Variants in EXOC4 observed in about 807,000 individuals in gnomAD.
The protein encoded by EXOC4 is SEC8-like 1.
EXOC4 carries 71 observed loss-of-function variants against 107.2 expected under a neutral mutation model. The observed-to-expected ratio is 0.66, with a 90% CI of 0.55 to 0.81. The LOEUF (loss-of-function observed/expected upper bound fraction) is 0.81, where lower values mean the gene tolerates loss of function less well. Ranked by LOEUF, EXOC4 falls within the 30% of genes least tolerant of loss-of-function variation. The pLI is 0.00. For missense variants in EXOC4, 1,108 were observed against 1,189.6 expected, an observed-to-expected ratio of 0.93 and a Z score of 1.01; for synonymous variants, 456 against 441.2, an observed-to-expected ratio of 1.03 and a Z score of -0.42.
chr7:133,820,622 T>G (rs1797498539), intron 11 of EXOC4, among the ~76,000 whole-genome samples: 1 of 152,214 alleles, frequency 6.6e-6, no homozygotes, highest in South Asian at 2.1e-4. Flanking sequence ...AATATTCAAT[T>G]ACAGGAAGTA....
chr7:133,780,112 T>C (rs756163126), intron 10 of EXOC4, among the ~76,000 whole-genome samples: 6 of 152,294 alleles, frequency 3.9e-5, no homozygotes, highest in Admixed American at 1.3e-4. Flanking sequence ...GGGATTTTGC[T>C]TGACAAGTCA....
intron 17 of EXOC4, among the ~76,000 whole-genome samples, chr7:134,008,512 T>C (rs1794695111): frequency 6.6e-6 from 1 of 152,208 alleles, no homozygotes; most frequent in Non-Finnish European, 1.5e-5. Flanking sequence ...ATAACATGTA[T>C]CTACTGTATT....
rs1562900982 is a variant in EXOC4 at position 133,671,625 on chromosome 7, G to T, written c.1514+41484G>T. 7.2e-5 allele frequency among the ~76,000 whole-genome samples: 11 copies of T among 152,254 alleles called. 1 individual carries two copies. In the South Asian group the frequency reaches 2.3e-3, roughly 32 times the overall value. On this transcript the variant is annotated intron_variant, in intron 10 of 17. Transcript: ENST00000253861. Reference sequence around the variant, plus strand: ...TTGGCTGCCGTATGAAGAATGTGCTGTAGGGGAGTAATAGTAGTGGCAGAG... The same window carrying T: ...TTGGCTGCCGTATGAAGAATGTGCTTTAGGGGAGTAATAGTAGTGGCAGAG...
At position 133,531,019 on chromosome 7, in the gene EXOC4, G is replaced by C. The variant is rs1004693341; in HGVS notation, c.1417+50881G>C. Among the ~76,000 whole-genome samples, 13 of 152,136 alleles carry C rather than the reference G, an allele frequency of 8.5e-5. No homozygotes were observed. In the East Asian group the frequency reaches 2.5e-3, roughly 29 times the overall value. On this transcript the variant is annotated intron_variant, in intron 9 of 17. Coordinates refer to ENST00000253861, the MANE Select transcript of EXOC4 (RefSeq NM_021807.4). Reference sequence around the variant, plus strand: ...CTGACATCGTGGCCAGACTCATACAGGCAGGACTTAACGGAGGCTAAAATC... The same window carrying C: ...CTGACATCGTGGCCAGACTCATACACGCAGGACTTAACGGAGGCTAAAATC...
chr7:133,703,636 A>G (rs1794710489), intron 10 of EXOC4, among the ~76,000 whole-genome samples: 1 of 152,200 alleles, frequency 6.6e-6, no homozygotes, highest in Non-Finnish European at 1.5e-5. Flanking sequence ...TCACTCCTTG[A>G]AAACTGTGAG....
chr7:133,351,861 G>T (rs988958908), intron 5 of EXOC4, among the ~76,000 whole-genome samples: 1 of 151,708 alleles, frequency 6.6e-6, no homozygotes, highest in Non-Finnish European at 1.5e-5. Context: ...CCTGTAAATT[G>T]TATTTCATAT....
At chr7:133,784,154 C>T (rs1389141644) in intron 10 of EXOC4, among the ~76,000 whole-genome samples, 1 of 152,004 alleles carries the variant, frequency 6.6e-6, no homozygotes, top group Non-Finnish European at 1.5e-5. Flanking sequence ...ATATAGGCTT[C>T]TCTTTGCTCA....
At chr7:133,443,034 G>A (rs1798138731) in intron 7 of EXOC4, among the ~76,000 whole-genome samples, 1 of 152,152 alleles carries the variant, frequency 6.6e-6, no homozygotes, top group African/African-American at 2.4e-5. Flanking sequence ...GCAGGACTTG[G>A]GTGTTTGTGA....
At chr7:133,322,002 C>T (rs1294676966) in intron 5 of EXOC4, among the ~76,000 whole-genome samples, 1 of 152,110 alleles carries the variant, frequency 6.6e-6, no homozygotes, top group Non-Finnish European at 1.5e-5. Flanking sequence ...ATTATGTTGG[C>T]TGCATAAATG....
chr7:133,306,590 C>T (rs931555429), intron 4 of EXOC4, among the ~76,000 whole-genome samples: 2 of 152,000 alleles, frequency 1.3e-5, no homozygotes, highest in Non-Finnish European at 2.9e-5. Context: ...ATCTCAACTA[C>T]TCCAGAGGCT....
chr7:133,744,405 C>G (rs898440791), intron 10 of EXOC4, among the ~76,000 whole-genome samples: 2 of 152,096 alleles, frequency 1.3e-5, no homozygotes, highest in East Asian at 1.9e-4. Context: ...TTTAAAAGCA[C>G]AAACCTTTCA....
Position 133,720,687 on chromosome 7 carries a change from TTGA to T in EXOC4, c.1514+90552_1514+90554del, listed in dbSNP as rs779172700. ...TCAGGACAATATCTTGCTTAACTTG[TTGA>T]TGATGCTTAACGGCAACCTGCTATT... On this transcript the variant is annotated intron_variant, in intron 10 of 17. Coordinates refer to ENST00000253861, the MANE Select transcript of EXOC4 (RefSeq NM_021807.4). Among the ~76,000 whole-genome samples, 5 of 152,268 alleles carry T rather than the reference TTGA, an allele frequency of 3.3e-5. No homozygotes were observed. In the South Asian group the frequency reaches 8.3e-4, roughly 25 times the overall value.
At chr7:133,710,609 G>A (rs1026301837) in intron 10 of EXOC4, among the ~76,000 whole-genome samples, 1 of 145,492 alleles carries the variant, frequency 6.9e-6, no homozygotes, top group Admixed American at 6.9e-5. Context: ...GCAGTGAGCC[G>A]AGATCCCGCC....
At chr7:133,373,819 T>C (rs1796428643) in intron 6 of EXOC4, among the ~76,000 whole-genome samples, 1 of 152,210 alleles carries the variant, frequency 6.6e-6, no homozygotes, top group South Asian at 2.1e-4. Context: ...TTGTTCTAAG[T>C]GCTCTTAAGT....
chr7:133,494,429 G>A (rs6974951), intron 9 of EXOC4, among the ~76,000 whole-genome samples: 116,880 of 152,196 alleles, frequency 0.77, 45,642 homozygotes, highest in East Asian at 0.95. Context: ...ATTCCCCACA[G>A]CATGTCTGCT....
chr7:133,355,998 A>G (rs1269077446), intron 5 of EXOC4, among the ~76,000 whole-genome samples: 3 of 152,166 alleles, frequency 2.0e-5, no homozygotes, highest in Non-Finnish European at 4.4e-5. Context: ...AGCGCCACAT[A>G]TGGCATTTTA....
intron 5 of EXOC4, among the ~76,000 whole-genome samples, chr7:133,336,560 TG>T (rs1465892420): frequency 6.6e-6 from 1 of 152,058 alleles, no homozygotes. Context: ...TTATCAGTGT[TG>T]TTTAATTTTC....
intron 1 of EXOC4, among the ~76,000 whole-genome samples, chr7:133,269,347 T>C (rs1427589850): frequency 6.6e-6 from 1 of 152,202 alleles, no homozygotes; most frequent in African/African-American, 2.4e-5. Context: ...ATACTTAGCT[T>C]TAATTTCAAC....
chr7:133,543,889 T>C (rs112036745), intron 9 of EXOC4, among the ~76,000 whole-genome samples: 225 of 152,298 alleles, frequency 1.5e-3, no homozygotes, highest in Non-Finnish European at 2.8e-3. Context: ...ATCTGCTGGC[T>C]AGCATTTTAA....
Sources: allele counts gnomAD v4.1 joint callset (sites outside exome capture counted in the v4.1 genomes callset), GRCh38; gene constraint gnomAD v4.1.1; transcripts MANE v1.5; gene names NCBI Gene and HGNC (gene_info 2026-07-23, HGNC 2026-07-21).